Variants in ARF5 observed in about 807,000 individuals in gnomAD.
ARF5 encodes the protein ARF GTPase 5.
In ARF5, 10 loss-of-function variants were observed where a neutral mutation model predicts 24.8. The observed-to-expected ratio is 0.40, with a 90% CI of 0.25 to 0.68. The LOEUF (loss-of-function observed/expected upper bound fraction) is 0.68, where lower values mean the gene tolerates loss of function less well. Among genes scored for constraint, ARF5 ranks in the 30% least tolerant of loss-of-function variants. The probability of loss-of-function intolerance (pLI) is 0.36; values close to 1 mark genes in which losing one functional copy is unlikely to be tolerated. For synonymous variants in ARF5, 102 were observed against 95.1 expected, an observed-to-expected ratio of 1.07 and a Z score of -0.42; for missense variants, 135 against 239.2, an observed-to-expected ratio of 0.56 and a Z score of 2.87.
chr7:127,588,866 C>A, intron 1 of ARF5: 1 of 601,946 alleles, frequency 1.7e-6, no homozygotes. Context: ...CTCCCGTGCC[C>A]CTTGCCTCCC....
rs1280862182 is a variant in ARF5 at position 127,591,308 on chromosome 7, G to A, written c.*9G>A. 37 of 1,583,804 alleles carry A rather than the reference G, an allele frequency of 2.3e-5. No homozygotes were observed. The highest frequency in any genetic ancestry group is 3.2e-5 in the Non-Finnish European group (37 of 1,168,868). On this transcript the variant is annotated 3_prime_UTR_variant, in exon 6 of 6. Transcript: ENST00000000233. ...AGCTGTCAAAGCGCTAACCAGCCAG[G>A]GGCAGGCCCCTGATGCCCGGAAGCT...
intron 1 of ARF5, chr7:127,588,817 C>A: frequency 1.7e-6 from 1 of 578,150 alleles, no homozygotes; most frequent in Non-Finnish European, 3.0e-6. Context: ...AGGGAGGATT[C>A]CGCCCTTGGA....
intron 4 of ARF5, 50 bp from the exon 5 acceptor site, chr7:127,590,913 A>C (rs760156539): frequency 1.3e-6 from 2 of 1,572,570 alleles, no homozygotes; most frequent in East Asian, 4.5e-5. Flanking sequence ...ATTCCCCAAC[A>C]CAGTAGAGGA....
At chr7:127,588,609 C>T in intron 1 of ARF5, 44 bp downstream of exon 1, 1 of 1,298,460 alleles carries the variant, frequency 7.7e-7, no homozygotes, top group South Asian at 2.3e-5. Flanking sequence ...GCGCCGGCCC[C>T]GGCGCAGCCC....
In ARF5 at chr7:127,589,513, G is replaced by A. The variant is rs1794253792; in HGVS notation, c.177G>A (p.Lys59=). The A allele has an allele frequency of 6.2e-7, 1 of 1,612,932 alleles. No individual in the cohort carries two copies. Among genetic ancestry groups the A allele is most frequent in the Non-Finnish European group, 8.5e-7 (1 of 1,179,686 alleles). Residue 59 remains lysine, a synonymous_variant, in exon 3 of 6, where the codon AAG becomes AAA. Transcript: ENST00000000233. The part of the protein sequence containing the change: ...IGFNVETVEY[K]NICFTVWDVG... ...TCAATGTAGAAACAGTGGAATATAA[G>A]AACATCTGTTTCACAGTCTGGGACG...
rs777471318 is a variant in ARF5, at chr7:127,591,094, G to A, written c.456+6G>A. 2.5e-6 allele frequency: 4 copies of A among 1,613,736 alleles called. No homozygotes were observed. The highest frequency in any genetic ancestry group is 1.7e-5 in the Admixed American group (1 of 59,884). ...AGCACTTACGCAGCCGCACGGTAGG[G>A]GTCCTGCCCACCTGGTGCTGAATCC... On this transcript the variant is annotated splice_donor_region_variant and intron_variant, in intron 5 of 5. Coordinates refer to ENST00000000233, the MANE Select transcript of ARF5 (RefSeq NM_001662.4).
intron 1 of ARF5, 53 bp downstream of exon 1, chr7:127,588,618 C>G (rs940699906): frequency 7.8e-7 from 1 of 1,289,788 alleles, no homozygotes; most frequent in South Asian, 2.3e-5. Flanking sequence ...CCGGCGCAGC[C>G]CTTCCGCCCC....
chr7:127,591,343 A>G lies in ARF5; in HGVS notation c.*44A>G. The G allele has an allele frequency of 6.6e-7, 1 of 1,503,880 alleles. No individual in the cohort carries two copies. Among genetic ancestry groups the G allele is most frequent in the Non-Finnish European group, 8.9e-7 (1 of 1,123,576 alleles). 93.2% of individuals were successfully genotyped at this position (1,503,880 alleles called of 1,614,324 possible). ...CTGATGCCCGGAAGCTCCTGCGTGC[A>G]TCCCCGGGATGACCAGACTCCCGGA... is the stretch of plus-strand genomic sequence containing the variant. On this transcript the variant is annotated 3_prime_UTR_variant, in exon 6 of 6. Coordinates refer to ENST00000000233, the MANE Select transcript of ARF5 (RefSeq NM_001662.4).
At chr7:127,590,881 G>C (rs1794276705) in intron 4 of ARF5, 82 bp from the exon 5 acceptor site, 4 of 1,498,540 alleles carry the variant, frequency 2.7e-6, no homozygotes, top group Non-Finnish European at 3.6e-6. Flanking sequence ...TTCCAATCAA[G>C]ATGCTAGGAG....
At chr7:127,590,665 AGTT>A (rs772259990) in intron 4 of ARF5, among the ~76,000 whole-genome samples, 1 of 152,202 alleles carries the variant, frequency 6.6e-6, no homozygotes, top group Non-Finnish European at 1.5e-5. Flanking sequence ...GAGTCTGAGA[AGTT>A]GTGGGAGAGA....
At chr7:127,589,217 G>T (rs1383954570) in intron 2 of ARF5, 54 bp downstream of exon 2, 1 of 1,590,004 alleles carries the variant, frequency 6.3e-7, no homozygotes, top group Admixed American at 1.7e-5. Context: ...CCCTCGCGGG[G>T]TCTGCTCCCA....
chr7:127,589,958 G>A, intron 3 of ARF5, 108 bp from the exon 4 acceptor site: 3 of 999,900 alleles, frequency 3.0e-6, no homozygotes, highest in South Asian at 2.6e-5. Context: ...TTTACTAGAT[G>A]AGAAGGATTG....
chr7:127,589,900 C>T, intron 3 of ARF5, 166 bp from the exon 4 acceptor site: 2 of 660,118 alleles, frequency 3.0e-6, no homozygotes, highest in South Asian at 3.7e-5. Flanking sequence ...CTAGTTTGTG[C>T]CATGACTCCT....
At chr7:127,588,828 G>A in intron 1 of ARF5, 1 of 575,604 alleles carries the variant, frequency 1.7e-6, no homozygotes, top group African/African-American at 1.9e-5. Flanking sequence ...CGCCCTTGGA[G>A]ACGACTTTTA....
Position 127,588,452 on chromosome 7 carries a change from C to T in ARF5, c.-47C>T, listed in dbSNP as rs1417230969. On this transcript the variant is annotated 5_prime_UTR_variant, in exon 1 of 6. Transcript: ENST00000000233. ...CCATCCCCCCGCGGCCGGCCAGTTCCAGCCCGCACCCCGCGTCGGTGCCCG... is the reference window on the plus strand; with the variant it reads ...CCATCCCCCCGCGGCCGGCCAGTTCTAGCCCGCACCCCGCGTCGGTGCCCG... 1 of 1,358,116 alleles carries T rather than the reference C, an allele frequency of 7.4e-7. No individual in the cohort carries two copies. The highest frequency in any genetic ancestry group is 9.7e-7 in the Non-Finnish European group (1 of 1,028,452). The allele number at this position is 1,358,116 out of a possible 1,614,324, so 84.1% of individuals were successfully genotyped here.
At chr7:127,590,031 G>A in intron 3 of ARF5, 35 bp from the exon 4 acceptor site, 4 of 1,585,120 alleles carry the variant, frequency 2.5e-6, no homozygotes, top group Non-Finnish European at 3.5e-6. Context: ...AGGCAGAAGT[G>A]ATTGCTTCTC....
At chr7:127,588,711 G>C (rs1794240688) in intron 1 of ARF5, 146 bp downstream of exon 1, 1 of 856,934 alleles carries the variant, frequency 1.2e-6, no homozygotes, top group African/African-American at 1.8e-5. Flanking sequence ...GCTCTCGGGC[G>C]GGTCCCGGTC....
intron 2 of ARF5, 73 bp downstream of exon 2, chr7:127,589,236 A>G: frequency 1.3e-6 from 2 of 1,529,644 alleles, no homozygotes; most frequent in Non-Finnish European, 1.8e-6. Flanking sequence ...CAGTTCTGCC[A>G]CTTTTCTGGA....
chr7:127,589,065 T>G lies in ARF5; in HGVS notation c.68-18T>G. On this transcript the variant is annotated intron_variant, in intron 1 of 5. Coordinates refer to ENST00000000233, the MANE Select transcript of ARF5 (RefSeq NM_001662.4). Reference sequence around the variant, plus strand: ...TCCCTCGCTCCCATCTCCATCCCTGTGCCCCTTTCCGTTGCAGTTGGCTTG... The same window carrying G: ...TCCCTCGCTCCCATCTCCATCCCTGGGCCCCTTTCCGTTGCAGTTGGCTTG... The G allele has an allele frequency of 6.2e-7, 1 of 1,614,020 alleles. No homozygotes were observed. Among genetic ancestry groups the G allele is most frequent in the Non-Finnish European group, 8.5e-7 (1 of 1,179,848 alleles).
Sources: allele counts gnomAD v4.1 joint callset (sites outside exome capture counted in the v4.1 genomes callset), GRCh38; gene constraint gnomAD v4.1.1; transcripts MANE v1.5; gene names NCBI Gene and HGNC (gene_info 2026-07-23, HGNC 2026-07-21).